CACNA2D3: variants seen among roughly 807,000 people sequenced by gnomAD.
CACNA2D3 encodes the protein calcium voltage-gated channel auxiliary subunit alpha2delta 3.
Under a neutral mutation model 160.6 loss-of-function variants are expected in CACNA2D3, and 60 were observed. The ratio of observed to expected loss-of-function variants is 0.37; its 90% confidence interval spans 0.30 to 0.46. CACNA2D3 has a LOEUF of 0.46. CACNA2D3 is among the 20% of genes least tolerant of loss of function. The probability of loss-of-function intolerance (pLI) is 1.00; values close to 1 mark genes in which losing one functional copy is unlikely to be tolerated. For missense variants in CACNA2D3, 1,205 were observed against 1,365.0 expected (o/e 0.88, Z 1.85); for synonymous variants, 558 against 492.9 (o/e 1.13, Z -1.75).
chr3:54,380,342 C>G lies in CACNA2D3; in HGVS notation c.322-6373C>G, dbSNP rs115602977. ...CTCTGTCTTCACTTCTGTAGACTGT[C>G]AGCATGTCAAGTTCAAGCCCTGCTG... is the stretch of plus-strand genomic sequence containing the variant. On this transcript the variant is annotated intron_variant, in intron 3 of 37. Coordinates refer to ENST00000474759, the MANE Select transcript of CACNA2D3 (RefSeq NM_018398.3). 2.4e-3 allele frequency among the ~76,000 whole-genome samples: 359 copies of G among 152,304 alleles called. 3 individuals carry two copies. Among genetic ancestry groups the G allele is most frequent in the African/African-American group, 8.4e-3 (350 of 41,568 alleles).
chr3:54,291,250 A>G (rs928976820), intron 2 of CACNA2D3, among the ~76,000 whole-genome samples: 1 of 152,200 alleles, frequency 6.6e-6, no homozygotes, highest in Non-Finnish European at 1.5e-5. Context: ...AAAGAAAATA[A>G]AAATTCGTGT....
At chr3:54,705,597 G>T (rs568672298) in intron 11 of CACNA2D3, among the ~76,000 whole-genome samples, 8 of 152,074 alleles carry the variant, frequency 5.3e-5, no homozygotes, top group Non-Finnish European at 1.2e-4. Flanking sequence ...TCTTATTGAG[G>T]TTCAATATTT....
chr3:54,561,809 C>T (rs1206797677), intron 5 of CACNA2D3, among the ~76,000 whole-genome samples: 1 of 152,264 alleles, frequency 6.6e-6, no homozygotes, highest in East Asian at 1.9e-4. Flanking sequence ...GTAATAAAGA[C>T]ATACCTGAGA....
In CACNA2D3 at chr3:54,715,339, C is replaced by T. The variant is rs1559556808; in HGVS notation, c.1168-37260C>T. 3.9e-5 allele frequency among the ~76,000 whole-genome samples: 6 copies of T among 152,156 alleles called. No homozygotes were observed. The South Asian group carries it at 1.0e-3, about 26-fold the overall frequency. ...GCAAGGTATGGGAGAAGGGGCACCA[C>T]GGAGCTCCCATGCCCTCTCTGGATG... On this transcript the variant is annotated intron_variant, in intron 11 of 37. Coordinates refer to ENST00000474759, the MANE Select transcript of CACNA2D3 (RefSeq NM_018398.3).
intron 24 of CACNA2D3, among the ~76,000 whole-genome samples, chr3:54,889,368 A>C (rs1700002356): frequency 6.6e-6 from 1 of 152,202 alleles, no homozygotes; most frequent in African/African-American, 2.4e-5. Flanking sequence ...AGGTTCGTAC[A>C]GTTTTCCCAG....
At chr3:54,890,283 G>T (rs1368825170) in intron 24 of CACNA2D3, among the ~76,000 whole-genome samples, 1 of 151,910 alleles carries the variant, frequency 6.6e-6, no homozygotes, top group Non-Finnish European at 1.5e-5. Flanking sequence ...GATCACAATG[G>T]CAGGAGATCG....
At chr3:54,700,445 C>T (rs1469897404) in intron 11 of CACNA2D3, among the ~76,000 whole-genome samples, 2 of 152,176 alleles carry the variant, frequency 1.3e-5, no homozygotes, top group Non-Finnish European at 2.9e-5. Flanking sequence ...TCCTTAGTTG[C>T]ACCAACCAAA....
chr3:55,018,459 A>C, intron 35 of CACNA2D3, 142 bp downstream of exon 35: 1 of 608,278 alleles, frequency 1.6e-6, no homozygotes, highest in Middle Eastern at 3.9e-4. Context: ...TATTTCTATC[A>C]GCTTGGAAGA....
chr3:55,021,663 G>GTATATATATA (rs1703455551), intron 35 of CACNA2D3, among the ~76,000 whole-genome samples: 5 of 140,620 alleles, frequency 3.6e-5, no homozygotes, highest in African/African-American at 1.4e-4. Flanking sequence ...ATATATGTGT[G>GTATATATATA]TGTATATATA....
At chr3:54,462,703 C>G (rs1700530311) in intron 4 of CACNA2D3, among the ~76,000 whole-genome samples, 2 of 152,184 alleles carry the variant, frequency 1.3e-5, no homozygotes, top group South Asian at 4.1e-4. Context: ...GAATACAGCA[C>G]ACTGATGGGT....
chr3:55,013,560 A>G (rs539901314), intron 34 of CACNA2D3, among the ~76,000 whole-genome samples: 1 of 152,338 alleles, frequency 6.6e-6, no homozygotes, highest in Non-Finnish European at 1.5e-5. Context: ...AGGTTTCTTC[A>G]TTCTAAATTT....
At chr3:54,249,588 C>CACA (rs58638743) in intron 2 of CACNA2D3, among the ~76,000 whole-genome samples, 19 of 147,554 alleles carry the variant, frequency 1.3e-4, no homozygotes, top group South Asian at 2.2e-4. Flanking sequence ...CACACACACA[C>CACA]CAGGCTACAT....
intron 35 of CACNA2D3, among the ~76,000 whole-genome samples, chr3:55,023,572 A>G (rs1323234407): frequency 2.0e-5 from 3 of 151,920 alleles, no homozygotes; most frequent in African/African-American, 7.3e-5. Flanking sequence ...GTGTTTTTCC[A>G]TGTTAGATTA....
intron 11 of CACNA2D3, among the ~76,000 whole-genome samples, chr3:54,721,828 C>T (rs1701175415): frequency 6.6e-6 from 1 of 151,670 alleles, no homozygotes; most frequent in African/African-American, 2.4e-5. Flanking sequence ...ACCTTTCTCT[C>T]TGGCTGCCTT....
intron 5 of CACNA2D3, among the ~76,000 whole-genome samples, chr3:54,523,597 A>C (rs1174009268): frequency 6.6e-6 from 1 of 152,116 alleles, no homozygotes; most frequent in Non-Finnish European, 1.5e-5. Flanking sequence ...TTCGTGAAGA[A>C]TTGGTATTCT....
intron 10 of CACNA2D3, among the ~76,000 whole-genome samples, chr3:54,629,201 C>G (rs1243590891): frequency 2.0e-5 from 3 of 151,970 alleles, no homozygotes; most frequent in African/African-American, 4.8e-5. Context: ...CAAGGCCTTG[C>G]TGCTGTTGGT....
intron 11 of CACNA2D3, among the ~76,000 whole-genome samples, chr3:54,647,567 G>A (rs920997625): frequency 6.6e-6 from 1 of 152,132 alleles, no homozygotes; most frequent in African/African-American, 2.4e-5. Flanking sequence ...ACTGTCCTCA[G>A]TACAGTAGCC....
chr3:54,256,371 T>A (rs148845115), intron 2 of CACNA2D3, among the ~76,000 whole-genome samples: 1 of 152,152 alleles, frequency 6.6e-6, no homozygotes, highest in Non-Finnish European at 1.5e-5. Context: ...CAAGATCTGA[T>A]TTTCAAAATC....
At chr3:54,167,169 G>T (rs1374226599) in intron 2 of CACNA2D3, among the ~76,000 whole-genome samples, 1 of 152,086 alleles carries the variant, frequency 6.6e-6, no homozygotes, top group Non-Finnish European at 1.5e-5. Flanking sequence ...GAGTTATTCT[G>T]TTGAGTTATT....
Sources: gnomAD v4.1 joint callset for allele counts (sites outside exome capture counted in the v4.1 genomes callset) on GRCh38, gnomAD v4.1.1 for gene constraint, MANE v1.5 for transcripts, NCBI Gene and HGNC (gene_info 2026-07-23, HGNC 2026-07-21) for gene names.